ADGRL2: variants seen among roughly 807,000 people sequenced by gnomAD.
The protein encoded by ADGRL2 is adhesion G protein-coupled receptor L2.
In ADGRL2, 44 loss-of-function variants were observed where a neutral mutation model predicts 157.4. That is an observed-to-expected ratio of 0.28 (90% CI 0.22 to 0.36). The LOEUF (loss-of-function observed/expected upper bound fraction) is 0.36, where lower values mean the gene tolerates loss of function less well. Ranked by LOEUF, ADGRL2 falls within the 10% of genes least tolerant of loss-of-function variation. ADGRL2 has a pLI of 1.00. For missense variants in ADGRL2, 1,510 were observed against 1,768.9 expected (o/e 0.85, Z 2.63); for synonymous variants, 585 against 624.7 (o/e 0.94, Z 0.95).
intron 2 of ADGRL2, among the ~76,000 whole-genome samples, chr1:81,862,764 G>A (rs2150817417): frequency 6.6e-6 from 1 of 152,176 alleles, no homozygotes; most frequent in East Asian, 1.9e-4. Context: ...GCCTCTACCA[G>A]TGTCTCCCAT....
chr1:81,905,482 C>T (rs438327), intron 2 of ADGRL2, among the ~76,000 whole-genome samples: 83,941 of 151,976 alleles, frequency 0.55, 23,937 homozygotes, highest in Middle Eastern at 0.65. Context: ...CTCAACTATG[C>T]CAATTCCCAA....
Position 81,990,597 on chromosome 1 carries a change from A to G in ADGRL2, c.3862A>G (p.Thr1288Ala). Residue 1288 changes from threonine (T) to alanine (A), a missense_variant, in exon 24 of 24, where the codon ACT becomes GCT. Thr to Ala is a moderately conservative substitution (Grantham distance 58). Coordinates refer to ENST00000686636, the MANE Select transcript of ADGRL2 (RefSeq NM_001366006.2). The part of the protein sequence containing the change: ...VHNNLRGSSK[T>A]HNLELTLPVK... ...CAACAACTTACGGGGCAGCAGCAAG[A>G]CTCACAACCTCGAGCTCACGCTACC... 6.2e-7 allele frequency: 1 copy of G among 1,614,144 alleles called. No individual in the cohort carries two copies. The highest frequency in any genetic ancestry group is 1.3e-5 in the African/African-American group (1 of 75,046).
At chr1:81,472,882 T>G (rs2078200164) in intron 2 of ADGRL2, among the ~76,000 whole-genome samples, 1 of 152,168 alleles carries the variant, frequency 6.6e-6, no homozygotes, top group Admixed American at 6.5e-5. Flanking sequence ...AAGATGATAA[T>G]TTAACATAGT....
At position 81,768,232 on chromosome 1, in the gene ADGRL2, A is replaced by G. The variant is rs1359604791; in HGVS notation, c.-101+6380A>G. 2.0e-5 allele frequency among the ~76,000 whole-genome samples: 3 copies of G among 151,976 alleles called. No homozygotes were observed. In the East Asian group the frequency reaches 5.8e-4, roughly 29 times the overall value. On this transcript the variant is annotated intron_variant, in intron 2 of 20. Transcript: ENST00000359929. ...AGTTAATTCTTAAAATTTTTTGTGT[A>G]GACAGGGGTCTCACTATGTTGCCAG...
intron 1 of ADGRL2, among the ~76,000 whole-genome samples, chr1:81,358,002 G>T (rs932905998): frequency 1.3e-5 from 2 of 152,102 alleles, no homozygotes; most frequent in African/African-American, 4.8e-5. Context: ...AAGTAAATTA[G>T]CAAAAGCTGA....
intron 3 of ADGRL2, among the ~76,000 whole-genome samples, chr1:81,593,678 G>A (rs72935284): frequency 0.038 from 5,745 of 152,080 alleles, 329 homozygotes; most frequent in African/African-American, 0.13. Flanking sequence ...ATAGTCTACC[G>A]TCAGCAAAAA....
At chr1:81,504,213 C>G (rs1259783665) in intron 2 of ADGRL2, among the ~76,000 whole-genome samples, 13 of 152,146 alleles carry the variant, frequency 8.5e-5, no homozygotes, top group Non-Finnish European at 1.6e-4. Flanking sequence ...AAACCTCATG[C>G]TCCCCGCTTG....
At chr1:81,412,770 G>A (rs561306168) in intron 1 of ADGRL2, among the ~76,000 whole-genome samples, 1 of 152,226 alleles carries the variant, frequency 6.6e-6, no homozygotes, top group Non-Finnish European at 1.5e-5. Flanking sequence ...ATACATGGAT[G>A]GATGGAAATA....
intron 3 of ADGRL2, chr1:81,596,413 G>A (rs1373617075): frequency 2.1e-6 from 1 of 469,612 alleles, no homozygotes; most frequent in Non-Finnish European, 4.1e-6. Flanking sequence ...ACCTTCTCCA[G>A]AGATTTTACA....
At chr1:81,952,755 A>G (rs1652258699) in intron 9 of ADGRL2, among the ~76,000 whole-genome samples, 1 of 151,868 alleles carries the variant, frequency 6.6e-6, no homozygotes, top group Non-Finnish European at 1.5e-5. Flanking sequence ...TTACTGCAGT[A>G]TATATTTTGT....
At chr1:81,988,770 T>G (rs1439610088) in intron 23 of ADGRL2, among the ~76,000 whole-genome samples, 1 of 152,190 alleles carries the variant, frequency 6.6e-6, no homozygotes, top group Non-Finnish European at 1.5e-5. Flanking sequence ...ACAGATATTT[T>G]TTTTTTCTGA....
chr1:81,353,838 G>A (rs1368173560), intron 1 of ADGRL2, among the ~76,000 whole-genome samples: 6 of 152,176 alleles, frequency 3.9e-5, no homozygotes, highest in Non-Finnish European at 8.8e-5. Flanking sequence ...CTAGCTGTTG[G>A]CAGTCACCAG....
At chr1:81,616,070 C>T (rs904752177) in intron 3 of ADGRL2, among the ~76,000 whole-genome samples, 11 of 123,316 alleles carry the variant, frequency 8.9e-5, no homozygotes, top group Admixed American at 8.4e-4. Context: ...AGGCCTGAAA[C>T]GGAGTCAGCC....
chr1:81,638,084 C>T (rs1237342360), intron 3 of ADGRL2, among the ~76,000 whole-genome samples: 1 of 151,758 alleles, frequency 6.6e-6, no homozygotes, highest in African/African-American at 2.4e-5. Flanking sequence ...GAATTACTTC[C>T]AACTTCCTCT....
intron 3 of ADGRL2, among the ~76,000 whole-genome samples, chr1:81,693,160 C>T (rs928148043): frequency 3.3e-5 from 5 of 152,146 alleles, no homozygotes; most frequent in Non-Finnish European, 7.3e-5. Context: ...CTTCTGCTCC[C>T]CTGAACTTCT....
intron 2 of ADGRL2, among the ~76,000 whole-genome samples, chr1:81,575,073 T>C (rs905750409): frequency 6.6e-6 from 1 of 152,198 alleles, no homozygotes; most frequent in Non-Finnish European, 1.5e-5. Context: ...AGTCAATCCA[T>C]ACAATACCTT....
chr1:81,508,143 T>C (rs1168049122), intron 2 of ADGRL2, among the ~76,000 whole-genome samples: 1 of 152,218 alleles, frequency 6.6e-6, no homozygotes, highest in African/African-American at 2.4e-5. Context: ...ATGGAATCAC[T>C]GAAATAACAC....
At chr1:81,665,485 T>C (rs2082734090) in intron 3 of ADGRL2, among the ~76,000 whole-genome samples, 1 of 152,124 alleles carries the variant, frequency 6.6e-6, no homozygotes, top group African/African-American at 2.4e-5. Context: ...AACTCCAATT[T>C]TAAATGTCAT....
intron 2 of ADGRL2, among the ~76,000 whole-genome samples, chr1:81,544,436 A>T (rs1400682593): frequency 6.6e-6 from 1 of 152,170 alleles, no homozygotes; most frequent in African/African-American, 2.4e-5. Flanking sequence ...ATGTCTTCGA[A>T]TCTAGGAAAT....
Sources: gnomAD v4.1 joint callset for allele counts (sites outside exome capture counted in the v4.1 genomes callset) on GRCh38, gnomAD v4.1.1 for gene constraint, MANE v1.5 for transcripts, NCBI Gene and HGNC (gene_info 2026-07-23, HGNC 2026-07-21) for gene names.